The following LPAR4 variants were observed in gnomAD, a reference collection of about 807,000 sequenced individuals.
LPAR4 encodes the protein lysophosphatidic acid receptor 4.
Under a neutral mutation model 9.2 loss-of-function variants are expected in LPAR4, and 14 were observed. The observed-to-expected ratio is 1.51, with a 90% CI of 1.00 to 2.37. The LOEUF is 2.37. Ranked by LOEUF, LPAR4 falls within the 30% of genes most tolerant of loss-of-function variation. The pLI is 0.00. For synonymous variants in LPAR4, 131 were observed against 97.9 expected (o/e 1.34, Z -1.99); for missense variants, 251 against 272.1 (o/e 0.92, Z 0.55).
chrX:78,752,063 G>A (rs1329562396), intron 4 of LPAR4, among the ~76,000 whole-genome samples: 1 of 110,836 alleles, frequency 9.0e-6, no homozygotes, highest in Non-Finnish European at 1.9e-5. Flanking sequence ...TCAAATTGAG[G>A]CCCATATCAG....
In LPAR4 at chrX:78,756,632, A is replaced by G. The variant is rs1010530156; in HGVS notation, c.*650A>G. ...AAAAAACTTCGTTGTTTTTACACCA[A>G]ATTAAAATTTTCATGTCAAACTTCA... On this transcript the variant is annotated 3_prime_UTR_variant, in exon 5 of 5. Transcript: ENST00000614823. The G allele has an allele frequency of 8.1e-6, 1 of 123,128 alleles. No individual in the cohort carries two copies. The highest frequency in any genetic ancestry group is 1.9e-5 in the Non-Finnish European group (1 of 53,126). The allele number at this position is 123,128 out of a possible 1,213,427, so 10.1% of individuals were successfully genotyped here.
In LPAR4 at chrX:78,756,189, C is replaced by G; in HGVS notation, c.*207C>G. On this transcript the variant is annotated 3_prime_UTR_variant, in exon 5 of 5. Coordinates refer to ENST00000614823, the MANE Select transcript of LPAR4 (RefSeq NM_001278000.3). Reference sequence around the variant, plus strand: ...AATTACAACAACCAAGATGGATTGCCAAACTCTTCTGCTTGGTTGGAATTT... The same window carrying G: ...AATTACAACAACCAAGATGGATTGCGAAACTCTTCTGCTTGGTTGGAATTT... 2.5e-6 allele frequency: 1 copy of G among 395,381 alleles called. No homozygotes were observed. The highest frequency in any genetic ancestry group is 4.5e-6 in the Non-Finnish European group (1 of 224,167). The allele number at this position is 395,381 out of a possible 1,213,427, so 32.6% of individuals were successfully genotyped here. A position where few individuals can be genotyped will look rare whatever the true frequency, so the allele number is the denominator to read the frequency against.
At chrX:78,751,712 G>T (rs1925071159) in intron 4 of LPAR4, among the ~76,000 whole-genome samples, 1 of 111,275 alleles carries the variant, frequency 9.0e-6, no homozygotes, top group African/African-American at 3.3e-5. Flanking sequence ...TACAGAAATT[G>T]GAAATGAGTT....
chrX:78,755,128 C>A lies in LPAR4; in HGVS notation c.259C>A (p.Leu87Ile), dbSNP rs1447268328. Residue 87 changes from leucine to isoleucine, a missense_variant, in exon 5 of 5, where the codon CTT becomes ATT. Transcript: ENST00000614823. ...FITNLAVSDL[L>I]FVCTLPFKIF... ...CACCAATCTAGCTGTCTCTGATTTG[C>A]TTTTTGTCTGTACACTACCTTTTAA... 2 of 1,210,938 alleles carry A rather than the reference C, an allele frequency of 1.7e-6. No homozygotes were observed.
rs1416477268 is a variant in LPAR4, at chrX:78,758,325, G to C, written c.*2343G>C. ...ATCTTTTGTTTCTTTCAGTATTCAT[G>C]TTTTTCCATTTCTTGTTAAGTATAA... is the stretch of plus-strand genomic sequence containing the variant. On this transcript the variant is annotated 3_prime_UTR_variant, in exon 5 of 5. Transcript: ENST00000614823. 9.0e-6 allele frequency among the ~76,000 whole-genome samples: 1 copy of C among 111,337 alleles called. No homozygotes were observed. The highest frequency in any genetic ancestry group is 3.2e-5 in the African/African-American group (1 of 30,798).
rs1361800421 is a variant in LPAR4 at position 78,750,194 on chromosome X, G to T, written c.-274G>T. ...TCCAGGAAGACAGATTTCTGGAGGA[G>T]TGTGAAAATCAACTCTCCTTAATAT... is the stretch of plus-strand genomic sequence containing the variant. On this transcript the variant is annotated 5_prime_UTR_variant, in exon 2 of 5. Transcript: ENST00000614823. 8.9e-6 allele frequency: 1 copy of T among 111,762 alleles called. No individual in the cohort carries two copies. Among genetic ancestry groups the T allele is most frequent in the Non-Finnish European group, 1.9e-5 (1 of 53,120 alleles). The allele number at this position is 111,762 out of a possible 1,213,427, so 9.2% of individuals were successfully genotyped here. A position where few individuals can be genotyped will look rare whatever the true frequency, so the allele number is the denominator to read the frequency against.
At chrX:78,754,192 T>G (rs1312719274) in intron 4 of LPAR4, among the ~76,000 whole-genome samples, 2 of 111,561 alleles carry the variant, frequency 1.8e-5, no homozygotes, top group Non-Finnish European at 3.8e-5. Context: ...CAGTTAAACA[T>G]AATGCAAATA....
chrX:78,754,416 T>A (rs1925196681), intron 4 of LPAR4, among the ~76,000 whole-genome samples: 1 of 111,689 alleles, frequency 9.0e-6, no homozygotes, highest in Non-Finnish European at 1.9e-5. Context: ...ATAATTATAC[T>A]GGCAGTACTT....
At chrX:78,749,948 T>G (rs186843523) in intron 1 of LPAR4, among the ~76,000 whole-genome samples, 8 of 111,657 alleles carry the variant, frequency 7.2e-5, no homozygotes, top group Admixed American at 9.5e-5. Flanking sequence ...AAATGGACTG[T>G]GACTTGCTCT....
At position 78,757,498 on chromosome X, in the gene LPAR4, A is replaced by C. The variant is rs1266917326; in HGVS notation, c.*1516A>C. On this transcript the variant is annotated 3_prime_UTR_variant, in exon 5 of 5. Transcript: ENST00000614823. ...AAAAGGAATTAAAAACAGTATTTTA[A>C]AATCTACAAAAAAAGAGAAAATTTT... 8.9e-6 allele frequency among the ~76,000 whole-genome samples: 1 copy of C among 112,175 alleles called. No homozygotes were observed. The highest frequency in any genetic ancestry group is 3.2e-5 in the African/African-American group (1 of 31,008).
chrX:78,758,310 T>G lies in LPAR4; in HGVS notation c.*2328T>G, dbSNP rs1310396843. On this transcript the variant is annotated 3_prime_UTR_variant, in exon 5 of 5. Transcript: ENST00000614823. ...ATAAAAGCGTGAATAATCTTTTGTT[T>G]CTTTCAGTATTCATGTTTTTCCATT... Among the ~76,000 whole-genome samples, 1 of 111,834 alleles carries G rather than the reference T, an allele frequency of 8.9e-6. No homozygotes were observed. The highest frequency in any genetic ancestry group is 3.2e-5 in the African/African-American group (1 of 30,916).
At chrX:78,750,464 A>T (rs950887036) in intron 2 of LPAR4, among the ~76,000 whole-genome samples, 2 of 111,594 alleles carry the variant, frequency 1.8e-5, no homozygotes, top group African/African-American at 6.5e-5. Flanking sequence ...ACTCCTAAGA[A>T]TTCCATCGCA....
At position 78,755,050 on chromosome X, in the gene LPAR4, CTGTT is replaced by C; in HGVS notation, c.185_188del (p.Phe62SerfsTer6). On this transcript the variant is annotated frameshift_variant, in exon 5 of 5. Coordinates refer to ENST00000614823, the MANE Select transcript of LPAR4 (RefSeq NM_001278000.3). LOFTEE classifies it high-confidence loss of function. ...GGGTCTGATAACCAACAGTGTCTCT[CTGTT>C]TGTCTTCTGTTTCCGCATGAAAATG... 3 of 1,208,662 alleles carry C rather than the reference CTGTT, an allele frequency of 2.5e-6. No homozygotes were observed. Among genetic ancestry groups the C allele is most frequent in the South Asian group, 1.8e-5 (1 of 56,855 alleles).
chrX:78,756,517 G>A lies in LPAR4; in HGVS notation c.*535G>A, dbSNP rs1387412384. On this transcript the variant is annotated 3_prime_UTR_variant, in exon 5 of 5. Coordinates refer to ENST00000614823, the MANE Select transcript of LPAR4 (RefSeq NM_001278000.3). ...ATATGTTATGTGCATTTTGAAAACA[G>A]AAAACAAATTGCGTTGGCATGTACG... 8.2e-6 allele frequency: 1 copy of A among 122,683 alleles called. No individual in the cohort carries two copies. Among genetic ancestry groups the A allele is most frequent in the Non-Finnish European group, 1.9e-5 (1 of 53,177 alleles). The allele number at this position is 122,683 out of a possible 1,213,427, so 10.1% of individuals were successfully genotyped here.
In LPAR4 at chrX:78,755,011, G is replaced by A. The variant is rs879076660; in HGVS notation, c.142G>A (p.Val48Ile). ...KYNLNGAVYS[V>I]VFILGLITNS... The stretch of plus-strand genomic sequence containing the variant: ...TAATCTCAATGGTGCTGTCTACAGT[G>A]TTGTATTCATCTTGGGTCTGATAAC... Residue 48 changes from valine (V) to isoleucine (I), a missense_variant, in exon 5 of 5, where the codon GTT becomes ATT. Transcript: ENST00000614823. 1.7e-6 allele frequency: 2 copies of A among 1,210,542 alleles called. No homozygotes were observed. Among genetic ancestry groups the A allele is most frequent in the Non-Finnish European group, 2.2e-6 (2 of 894,445 alleles).
rs913429813 is a variant in LPAR4, at chrX:78,757,428, T to C, written c.*1446T>C. Among the ~76,000 whole-genome samples the C allele has an allele frequency of 2.7e-5, 3 of 111,861 alleles. No homozygotes were observed. The highest frequency in any genetic ancestry group is 9.5e-5 in the Admixed American group (1 of 10,524). On this transcript the variant is annotated 3_prime_UTR_variant, in exon 5 of 5. Transcript: ENST00000614823. The stretch of plus-strand genomic sequence containing the variant: ...ACACTATAACATTCATATAATGCTT[T>C]GGATCAAATTGCAACTAAGAAGCTG...
At chrX:78,752,724 G>A (rs1925122434) in intron 4 of LPAR4, among the ~76,000 whole-genome samples, 1 of 111,286 alleles carries the variant, frequency 9.0e-6, no homozygotes, top group Non-Finnish European at 1.9e-5. Context: ...TCCTCTGTAG[G>A]GAGCAAAAGC....
rs942458089 is a variant in LPAR4, at chrX:78,751,091, T to C, written c.-181-119T>C. On this transcript the variant is annotated intron_variant, in intron 3 of 4. Coordinates refer to ENST00000614823, the MANE Select transcript of LPAR4 (RefSeq NM_001278000.3). ...GTCTCATTTACTCTGGTTTATATCA[T>C]ATAATACTTTTTCTGTCTTATGATC... The C allele has an allele frequency of 3.7e-4, 41 of 111,990 alleles. 1 individual carries two copies. Among genetic ancestry groups the C allele is most frequent in the Non-Finnish European group, 3.8e-5 (2 of 53,105 alleles). The allele number at this position is 111,990 out of a possible 1,213,427, so 9.2% of individuals were successfully genotyped here. A position where few individuals can be genotyped will look rare whatever the true frequency, so the allele number is the denominator to read the frequency against.
intron 4 of LPAR4, among the ~76,000 whole-genome samples, chrX:78,752,693 GT>G (rs1925119972): frequency 9.0e-6 from 1 of 111,548 alleles, no homozygotes; most frequent in South Asian, 3.8e-4. Context: ...TCAAGGCCTT[GT>G]CTTCCTGAGC....
Sources: allele counts gnomAD v4.1 joint callset (sites outside exome capture counted in the v4.1 genomes callset), GRCh38; gene constraint gnomAD v4.1.1; transcripts MANE v1.5; gene names NCBI Gene and HGNC (gene_info 2026-07-23, HGNC 2026-07-21).